The following FBXO11 variants were observed in gnomAD, a reference collection of about 807,000 sequenced individuals.
The protein encoded by FBXO11 is F-box protein 11, also known as F-box only protein 11.
A neutral mutation model predicts 117.0 loss-of-function variants in FBXO11; 13 were observed. That is an observed-to-expected ratio of 0.11 (90% CI 0.07 to 0.18). FBXO11 has a LOEUF of 0.18. FBXO11 is among the 10% of genes least tolerant of loss of function. FBXO11 has a pLI of 1.00. For missense variants in FBXO11, 767 were observed against 1,164.4 expected (o/e 0.66, Z 4.97); for synonymous variants, 490 against 380.5 (o/e 1.29, Z -3.35).
chr2:47,814,255 CATT>C (rs1670848861), intron 16 of FBXO11: 1 of 186,048 alleles, frequency 5.4e-6, no homozygotes, highest in African/African-American at 2.4e-5. Context: ...TTTTGGTTTA[CATT>C]ATACTGTAGT....
chr2:47,840,547 C>T (rs1006593252), intron 1 of FBXO11, among the ~76,000 whole-genome samples: 2 of 149,876 alleles, frequency 1.3e-5, no homozygotes, highest in Non-Finnish European at 3.0e-5. Context: ...ACCTCTTGGC[C>T]TCAAGCAATC....
chr2:47,876,669 C>T (rs1676029550), intron 1 of FBXO11, among the ~76,000 whole-genome samples: 1 of 151,684 alleles, frequency 6.6e-6, no homozygotes, highest in Non-Finnish European at 1.5e-5. Flanking sequence ...TTTTGAAAAG[C>T]TTTTATGTTT....
intron 20 of FBXO11, 85 bp downstream of exon 20, chr2:47,809,514 CA>C (rs1249151335): frequency 6.3e-6 from 6 of 950,412 alleles, no homozygotes; most frequent in Non-Finnish European, 9.7e-6. Flanking sequence ...TGGAGAGTGA[CA>C]TAAGGAATCA....
intron 1 of FBXO11, 77 bp downstream of exon 1, chr2:47,905,412 C>T: frequency 6.7e-6 from 7 of 1,051,144 alleles, no homozygotes; most frequent in African/African-American, 4.4e-5. Flanking sequence ...CCCCGCCCGC[C>T]CGCCCGCCCG....
chr2:47,840,066 C>G (rs1424319820), intron 1 of FBXO11, among the ~76,000 whole-genome samples: 1 of 151,922 alleles, frequency 6.6e-6, no homozygotes, highest in East Asian at 1.9e-4. Context: ...GCCTCAGCCT[C>G]CCGAGTAGCT....
chr2:47,848,105 C>G (rs1256500692), intron 1 of FBXO11, among the ~76,000 whole-genome samples: 2 of 151,606 alleles, frequency 1.3e-5, no homozygotes, highest in African/African-American at 4.9e-5. Flanking sequence ...GCCTGGGCGA[C>G]AGAGCGAGAC....
At chr2:47,883,774 G>T (rs898663850) in intron 1 of FBXO11, 3 of 237,742 alleles carry the variant, frequency 1.3e-5, no homozygotes, top group Admixed American at 8.2e-5. Flanking sequence ...TAAGGTGTAT[G>T]AGAATGGTAA....
chr2:47,809,249 T>C lies in FBXO11; in HGVS notation c.2464A>G (p.Asn822Asp), dbSNP rs758374633. The change falls in exon 21 of 23, where the codon AAT becomes GAT. Residue 822 changes from asparagine (N) to aspartate (D), a missense_variant. This residue lies in a region of FBXO11 where 66 missense variants were observed against 82.7 expected (regional missense o/e 0.80). Coordinates refer to ENST00000403359, the MANE Select transcript of FBXO11 (RefSeq NM_001190274.2). ...VTMKDNKIMNNQDAIEKAVSR... is the reference protein window; with the variant it reads ...VTMKDNKIMNDQDAIEKAVSR... The stretch of plus-strand genomic sequence containing the variant: ...ACAGCCTTTTCTATGGCATCTTGAT[T>C]GTTCATTATTTTGTTATCTGTAATA... 1 of 1,587,290 alleles carries C rather than the reference T, an allele frequency of 6.3e-7. No homozygotes were observed. Among genetic ancestry groups the C allele is most frequent in the Non-Finnish European group, 8.6e-7 (1 of 1,162,408 alleles).
chr2:47,850,239 A>C (rs1673753819), intron 1 of FBXO11, among the ~76,000 whole-genome samples: 1 of 152,190 alleles, frequency 6.6e-6, no homozygotes. Flanking sequence ...CCATGTACTA[A>C]GGCAGTGACT....
intron 16 of FBXO11, among the ~76,000 whole-genome samples, chr2:47,814,677 C>A (rs1288352695): frequency 6.6e-6 from 1 of 152,162 alleles, no homozygotes; most frequent in Non-Finnish European, 1.5e-5. Flanking sequence ...CTGCACCTGA[C>A]CAACTGGCAA....
At chr2:47,872,790 T>C (rs1675720598) in intron 1 of FBXO11, among the ~76,000 whole-genome samples, 1 of 152,186 alleles carries the variant, frequency 6.6e-6, no homozygotes, top group South Asian at 2.1e-4. Context: ...AGCTGGCCAT[T>C]AGATTCACAA....
intron 11 of FBXO11, among the ~76,000 whole-genome samples, chr2:47,826,661 T>C (rs1049691226): frequency 1.1e-4 from 16 of 152,128 alleles, no homozygotes; most frequent in African/African-American, 3.4e-4. Flanking sequence ...AGCCATAAAA[T>C]ATGACTTCTT....
At chr2:47,826,653 C>T (rs1318479642) in intron 11 of FBXO11, among the ~76,000 whole-genome samples, 1 of 152,132 alleles carries the variant, frequency 6.6e-6, no homozygotes, top group Non-Finnish European at 1.5e-5. Flanking sequence ...CAGAGTTGAG[C>T]CATAAAATAT....
chr2:47,843,260 C>G (rs539413407), intron 1 of FBXO11, among the ~76,000 whole-genome samples: 1 of 152,284 alleles, frequency 6.6e-6, no homozygotes, highest in African/African-American at 2.4e-5. Flanking sequence ...AACATCAACA[C>G]TAATTTTTAG....
intron 1 of FBXO11, among the ~76,000 whole-genome samples, chr2:47,879,245 T>C (rs752619580): frequency 2.6e-5 from 4 of 152,246 alleles, no homozygotes; most frequent in Non-Finnish European, 4.4e-5. Context: ...CAGAATAATC[T>C]GATACATGTA....
In FBXO11 at chr2:47,906,218, C is replaced by G. The variant is rs1168872562; in HGVS notation, c.-498G>C. On this transcript the variant is annotated 5_prime_UTR_variant, in exon 1 of 23. Transcript: ENST00000403359. ...GAGGGAGGGAGCAGGGGGCGCCCGG[C>G]TCTTTTTTTTCCCTCTTCCTCCCCC... 2 of 168,362 alleles carry G rather than the reference C, an allele frequency of 1.2e-5. No homozygotes were observed. The highest frequency in any genetic ancestry group is 4.8e-5 in the African/African-American group (2 of 41,558). The allele number at this position is 168,362 out of a possible 1,614,324, so 10.4% of individuals were successfully genotyped here.
chr2:47,905,479 G>A lies in FBXO11; in HGVS notation c.232+10C>T. The A allele has an allele frequency of 8.2e-7, 1 of 1,224,542 alleles. No homozygotes were observed. The highest frequency in any genetic ancestry group is 1.0e-6 in the Non-Finnish European group (1 of 983,100). 75.9% of individuals were successfully genotyped at this position (1,224,542 alleles called of 1,614,324 possible). ...GGAAGGCGGGCGGTTGGGAGGTAGC[G>A]CGGCCTTACCCCGCTCGCCGACGTT... On this transcript the variant is annotated intron_variant, in intron 1 of 22. Coordinates refer to ENST00000403359, the MANE Select transcript of FBXO11 (RefSeq NM_001190274.2).
At chr2:47,867,012 C>T (rs2103796543) in intron 1 of FBXO11, among the ~76,000 whole-genome samples, 1 of 152,298 alleles carries the variant, frequency 6.6e-6, no homozygotes, top group East Asian at 1.9e-4. Context: ...TCTGATGATA[C>T]TCACAACTTA....
intron 18 of FBXO11, chr2:47,810,672 T>C (rs938681393): frequency 7.9e-5 from 29 of 365,080 alleles, no homozygotes; most frequent in Non-Finnish European, 1.3e-4. Context: ...AGGGTCCATG[T>C]CTAAGTTTAC....
Sources: gnomAD v4.1 joint callset for allele counts (sites outside exome capture counted in the v4.1 genomes callset) on GRCh38, gnomAD v4.1.1 for gene constraint, gnomAD v4.1.1 regional missense constraint, MANE v1.5 for transcripts, NCBI Gene and HGNC (gene_info 2026-07-23, HGNC 2026-07-21) for gene names.